Variants in ANKRD31 observed in about 807,000 individuals in gnomAD.
ANKRD31 encodes ankyrin repeat domain 31, also known as ankyrin repeat domain-containing protein 31.
ANKRD31 carries 147 observed loss-of-function variants against 186.0 expected under a neutral mutation model. The observed-to-expected ratio is 0.79, with a 90% confidence interval of 0.69 to 0.91. The LOEUF is 0.91. Ranked by LOEUF, ANKRD31 falls within the 40% of genes least tolerant of loss-of-function variation. The pLI is 0.00. For missense variants in ANKRD31, 1,986 were observed against 2,148.8 expected, an observed-to-expected ratio of 0.92 and a Z score of 1.50; for synonymous variants, 673 against 736.4, an observed-to-expected ratio of 0.91 and a Z score of 1.39.
chr5:75,188,560 G>T lies in ANKRD31; in HGVS notation c.1497C>A (p.His499Gln). ...GENLVYKAAL[H>Q]DDADLVHHCI... is the part of the protein sequence containing the mutation. ...AATGATGAACAAGATCAGCATCATC[G>T]TGTAGAGCAGCCTTATATACTAAGT... Residue 499 changes from histidine to glutamine, a missense_variant, in exon 10 of 26, where the codon CAC becomes CAA. His to Gln is a conservative substitution (Grantham distance 24). Coordinates refer to ENST00000506364, the MANE Select transcript of ANKRD31 (RefSeq NM_001372053.1). 6.5e-7 allele frequency: 1 copy of T among 1,536,170 alleles called. No homozygotes were observed. Among genetic ancestry groups the T allele is most frequent in the Non-Finnish European group, 8.7e-7 (1 of 1,146,270 alleles).
intron 11 of ANKRD31, among the ~76,000 whole-genome samples, chr5:75,162,505 C>T (rs143053965): frequency 2.0e-5 from 3 of 152,222 alleles, no homozygotes; most frequent in East Asian, 1.9e-4. Context: ...GATGAGACTT[C>T]GGACTGTGGA....
At chr5:75,203,827 T>C (rs925079073) in intron 5 of ANKRD31, among the ~76,000 whole-genome samples, 1 of 152,200 alleles carries the variant, frequency 6.6e-6, no homozygotes, top group Non-Finnish European at 1.5e-5. Flanking sequence ...GACATCATTA[T>C]AGCTTTATAA....
At chr5:75,186,229 A>G (rs2150230142) in intron 10 of ANKRD31, among the ~76,000 whole-genome samples, 1 of 152,216 alleles carries the variant, frequency 6.6e-6, no homozygotes, top group East Asian at 1.9e-4. Flanking sequence ...ACTTATTTAA[A>G]AAAAGAAATT....
At chr5:75,228,705 TA>T (rs1448315886) in intron 2 of ANKRD31, among the ~76,000 whole-genome samples, 3 of 152,070 alleles carry the variant, frequency 2.0e-5, no homozygotes, top group Non-Finnish European at 4.4e-5. Context: ...CTACATGATA[TA>T]ATTTTATATT....
At chr5:75,230,747 CACT>C (rs2150321588) in intron 1 of ANKRD31, 112 bp from the exon 2 acceptor site, 1 of 682,752 alleles carries the variant, frequency 1.5e-6, no homozygotes, top group African/African-American at 1.8e-5. Context: ...TTAGTTATAC[CACT>C]ATTAATGTTT....
chr5:75,210,911 C>T, intron 3 of ANKRD31, 46 bp from the exon 4 acceptor site: 1 of 1,272,238 alleles, frequency 7.9e-7, no homozygotes, highest in Non-Finnish European at 1.1e-6. Flanking sequence ...AGTGTTAATT[C>T]AATGCAACAA....
chr5:75,121,372 C>A lies in ANKRD31; in HGVS notation c.3877-3075G>T, dbSNP rs978810807. The stretch of plus-strand genomic sequence containing the variant: ...ATACAATAATACTGGGGCACTTGAA[C>A]ATCCGAGTCACAGCACTAGACAGAT... On this transcript the variant is annotated intron_variant, in intron 17 of 25. Transcript: ENST00000506364. Among the ~76,000 whole-genome samples the A allele has an allele frequency of 2.0e-5, 3 of 152,248 alleles. No homozygotes were observed. In the East Asian group the frequency reaches 5.8e-4, roughly 29 times the overall value.
chr5:75,084,166 T>C, intron 24 of ANKRD31, 106 bp downstream of exon 24: 1 of 822,162 alleles, frequency 1.2e-6, no homozygotes, highest in Non-Finnish European at 1.9e-6. Flanking sequence ...ATAATGATTG[T>C]TAATTTCACA....
At chr5:75,227,428 G>T (rs1757696867) in intron 2 of ANKRD31, among the ~76,000 whole-genome samples, 2 of 152,068 alleles carry the variant, frequency 1.3e-5, no homozygotes, top group Admixed American at 6.5e-5. Context: ...AATATAATTG[G>T]ATTGTTTGAA....
chr5:75,186,404 A>G (rs561332333), intron 10 of ANKRD31, among the ~76,000 whole-genome samples: 10 of 152,330 alleles, frequency 6.6e-5, no homozygotes, highest in East Asian at 1.9e-4. Flanking sequence ...TCTACATTAC[A>G]TAGTCCTAAA....
chr5:75,217,119 T>C (rs1009521508), intron 3 of ANKRD31, among the ~76,000 whole-genome samples: 3 of 152,184 alleles, frequency 2.0e-5, no homozygotes, highest in East Asian at 3.8e-4. Context: ...TTTTTGAGTT[T>C]GATGAAAATT....
intron 20 of ANKRD31, among the ~76,000 whole-genome samples, chr5:75,112,033 A>T (rs113359911): frequency 6.6e-6 from 1 of 152,276 alleles, no homozygotes; most frequent in East Asian, 1.9e-4. Context: ...TTATCTAAAC[A>T]TATCACTGGT....
intron 1 of ANKRD31, among the ~76,000 whole-genome samples, chr5:75,236,290 T>C (rs1479912250): frequency 6.6e-6 from 1 of 152,204 alleles, no homozygotes; most frequent in Admixed American, 6.5e-5. Context: ...AAGATCTTTT[T>C]TGCTTGTGCA....
intron 17 of ANKRD31, among the ~76,000 whole-genome samples, chr5:75,129,375 G>C (rs1749546874): frequency 6.6e-6 from 1 of 152,080 alleles, no homozygotes; most frequent in African/African-American, 2.4e-5. Context: ...GCTTCTTTTA[G>C]CCAAAAGAAG....
At chr5:75,193,713 C>T in intron 7 of ANKRD31, 122 bp from the exon 8 acceptor site, 1 of 838,022 alleles carries the variant, frequency 1.2e-6, no homozygotes, top group African/African-American at 1.7e-5. Flanking sequence ...GATCCAAGTA[C>T]AAGAATTCAT....
chr5:75,214,693 G>A (rs1756860520), intron 3 of ANKRD31, among the ~76,000 whole-genome samples: 1 of 152,176 alleles, frequency 6.6e-6, no homozygotes, highest in African/African-American at 2.4e-5. Context: ...TCTGAATCTT[G>A]ATAAAGATAG....
At chr5:75,171,604 GA>G (rs1267318225) in intron 10 of ANKRD31, among the ~76,000 whole-genome samples, 1 of 150,524 alleles carries the variant, frequency 6.6e-6, no homozygotes, top group Non-Finnish European at 1.5e-5. Context: ...AAAAAGAACA[GA>G]AATCAATAAA....
intron 25 of ANKRD31, among the ~76,000 whole-genome samples, chr5:75,073,453 G>A (rs1206080961): frequency 6.6e-6 from 1 of 152,090 alleles, no homozygotes; most frequent in Non-Finnish European, 1.5e-5. Context: ...GTACAGAATA[G>A]TAGGCAGTGG....
intron 20 of ANKRD31, among the ~76,000 whole-genome samples, chr5:75,107,991 T>C (rs749686110): frequency 6.6e-6 from 1 of 151,996 alleles, no homozygotes; most frequent in Non-Finnish European, 1.5e-5. Flanking sequence ...AAGGAATACA[T>C]TAACATTGTA....
Sources: gnomAD v4.1 joint callset for allele counts (sites outside exome capture counted in the v4.1 genomes callset) on GRCh38, gnomAD v4.1.1 for gene constraint, MANE v1.5 for transcripts, NCBI Gene and HGNC (gene_info 2026-07-23, HGNC 2026-07-21) for gene names.